The following RARB variants were observed in gnomAD, a reference collection of about 807,000 sequenced individuals.
RARB encodes the protein retinoic acid receptor beta.
Under a neutral mutation model 51.9 loss-of-function variants are expected in RARB, and 17 were observed. That is an observed-to-expected ratio of 0.33 (90% CI 0.22 to 0.49). The LOEUF (loss-of-function observed/expected upper bound fraction) is 0.49. Ranked by LOEUF, RARB falls within the 20% of genes least tolerant of loss-of-function variation. RARB has a pLI of 0.99. For missense variants in RARB, 369 were observed against 550.8 expected (o/e 0.67, Z 3.30); for synonymous variants, 215 against 195.4 (o/e 1.10, Z -0.84).
intron 5 of RARB, among the ~76,000 whole-genome samples, chr3:25,318,609 A>G (rs1452797322): frequency 6.6e-6 from 1 of 152,180 alleles, no homozygotes; most frequent in Non-Finnish European, 1.5e-5. Context: ...TGTGTAGGTA[A>G]TCCATTATCT....
intron 5 of RARB, among the ~76,000 whole-genome samples, chr3:25,205,519 C>G (rs1701517455): frequency 6.6e-6 from 1 of 152,092 alleles, no homozygotes; most frequent in South Asian, 2.1e-4. Context: ...GCGTTGCTCA[C>G]TCTGGGAGCC....
At chr3:25,301,847 C>G (rs1704049095) in intron 5 of RARB, among the ~76,000 whole-genome samples, 1 of 152,142 alleles carries the variant, frequency 6.6e-6, no homozygotes, top group African/African-American at 2.4e-5. Flanking sequence ...CCATTGGTGT[C>G]AGCACTGGGG....
intron 4 of RARB, among the ~76,000 whole-genome samples, chr3:25,145,090 G>C (rs891387478): frequency 2.6e-5 from 4 of 152,190 alleles, no homozygotes; most frequent in African/African-American, 9.7e-5. Flanking sequence ...CCCTTCTGTA[G>C]ACTGAGTTGT....
At chr3:24,920,697 G>A (rs1358054316) in intron 2 of RARB, among the ~76,000 whole-genome samples, 1 of 152,030 alleles carries the variant, frequency 6.6e-6, no homozygotes, top group Non-Finnish European at 1.5e-5. Context: ...TCCATTTCTG[G>A]TTATGCCACG....
intron 5 of RARB, among the ~76,000 whole-genome samples, chr3:25,295,908 G>A (rs537257135): frequency 7.2e-5 from 11 of 152,292 alleles, no homozygotes; most frequent in Admixed American, 3.3e-4. Context: ...GTATCAGGAC[G>A]GGAACAAGGA....
intron 4 of RARB, among the ~76,000 whole-genome samples, chr3:25,169,648 A>G (rs949480393): frequency 1.3e-5 from 2 of 152,168 alleles, no homozygotes; most frequent in South Asian, 2.1e-4. Flanking sequence ...TGTGTGGGCA[A>G]TAGTTTAAGA....
intron 5 of RARB, among the ~76,000 whole-genome samples, chr3:25,212,797 T>A (rs12107090): frequency 0.043 from 6,605 of 152,226 alleles, 163 homozygotes; most frequent in African/African-American, 0.064. Context: ...AAACCTATGA[T>A]TGTTAGCTTG....
rs114395216 is a variant in RARB, at chr3:25,310,825, G to A, written c.178+136250G>A. ...TACAGCACTTCCTCAGGCAGTGCCC[G>A]TGTCAGTGTTTTTACTCTGAAGCAC... On this transcript the variant is annotated intron_variant, in intron 5 of 11. Coordinates refer to the RARB transcript ENST00000383772. 4.3e-3 allele frequency among the ~76,000 whole-genome samples: 649 copies of A among 152,242 alleles called. 4 individuals are homozygous for A. Among genetic ancestry groups the A allele is most frequent in the African/African-American group, 0.015 (607 of 41,528 alleles).
chr3:25,211,208 T>C lies in RARB; in HGVS notation c.178+36633T>C, dbSNP rs376318473. On this transcript the variant is annotated intron_variant, in intron 5 of 11. Transcript: ENST00000383772. The stretch of plus-strand genomic sequence containing the variant: ...TAGACATGTTCAAGGCACTTGACTA[T>C]ATTATTTTATTTGAGAGTGACAAAA... Among the ~76,000 whole-genome samples the C allele has an allele frequency of 2.9e-3, 448 of 152,316 alleles. 2 individuals are homozygous for C. Among genetic ancestry groups the C allele is most frequent in the African/African-American group, 0.01 (425 of 41,564 alleles).
At chr3:25,458,309 T>C (rs577397289) in intron 1 of RARB, 2 of 152,308 alleles carry the variant, frequency 1.3e-5, no homozygotes, top group Non-Finnish European at 2.9e-5. Flanking sequence ...TCCACCTTAG[T>C]AGACAAACCC....
At chr3:24,840,742 T>TAAAAAAAAAAAA (rs55771334) in intron 1 of RARB, among the ~76,000 whole-genome samples, 4 of 70,362 alleles carry the variant, frequency 5.7e-5, no homozygotes, top group South Asian at 4.6e-4. Flanking sequence ...TGAGTAAGAG[T>TAAAAAAAAAAAA]AAAAAAAAAA....
At chr3:25,243,320 C>T (rs1429098959) in intron 5 of RARB, among the ~76,000 whole-genome samples, 2 of 152,170 alleles carry the variant, frequency 1.3e-5, no homozygotes, top group Admixed American at 1.3e-4. Context: ...TGCCTGATTG[C>T]CCTGACCAGA....
At chr3:25,255,761 CCT>C (rs1224107729) in intron 5 of RARB, among the ~76,000 whole-genome samples, 2 of 151,946 alleles carry the variant, frequency 1.3e-5, no homozygotes, top group Admixed American at 6.6e-5. Flanking sequence ...ACAACTGGAA[CCT>C]CTTCTCCCTT....
intron 2 of RARB, among the ~76,000 whole-genome samples, chr3:24,952,275 A>T (rs1163132386): frequency 2.0e-5 from 3 of 152,130 alleles, no homozygotes; most frequent in Non-Finnish European, 4.4e-5. Flanking sequence ...AATTTACACA[A>T]TTAATGATTA....
Position 25,596,554 on chromosome 3 carries a change from C to T in RARB, c.1285C>T (p.Pro429Ser). Reference protein sequence around the residue: ...SSSGNTAEHSPSISPSSVENS... With the variant: ...SSSGNTAEHSSSISPSSVENS... ...AAGTGGGAACACAGCAGAGCACAGT[C>T]CTAGCATCTCACCCAGCTCAGTGGA... is the stretch of plus-strand genomic sequence containing the variant. Residue 429 changes from proline (P) to serine (S), a missense_variant, in exon 8 of 8, where the codon CCT becomes TCT. Physicochemically the swap from Pro to Ser is moderately conservative, Grantham distance 74. Transcript: ENST00000330688. 2 of 1,613,954 alleles carry T rather than the reference C, an allele frequency of 1.2e-6. No homozygotes were observed. The highest frequency in any genetic ancestry group is 1.7e-6 in the Non-Finnish European group (2 of 1,179,834).
chr3:24,936,253 C>T (rs1383069330), intron 2 of RARB, among the ~76,000 whole-genome samples: 1 of 152,012 alleles, frequency 6.6e-6, no homozygotes, highest in Non-Finnish European at 1.5e-5. Flanking sequence ...CAGAGATATT[C>T]CTGAGATTCT....
intron 4 of RARB, among the ~76,000 whole-genome samples, chr3:25,168,564 A>G (rs539112361): frequency 3.9e-5 from 6 of 152,360 alleles, no homozygotes; most frequent in Admixed American, 1.3e-4. Flanking sequence ...ATCAGAAAAT[A>G]CGTGGCAGTC....
At chr3:24,864,117 T>C (rs1322837226) in intron 2 of RARB, among the ~76,000 whole-genome samples, 3 of 152,240 alleles carry the variant, frequency 2.0e-5, no homozygotes, top group Non-Finnish European at 4.4e-5. Context: ...GCACTTGCAC[T>C]GAGCTTACTT....
intron 5 of RARB, among the ~76,000 whole-genome samples, chr3:25,321,999 A>G (rs1053220552): frequency 6.6e-6 from 1 of 152,146 alleles, no homozygotes; most frequent in Non-Finnish European, 1.5e-5. Flanking sequence ...TGAAGGAAAA[A>G]TGTTTGTAGA....
Sources: allele counts gnomAD v4.1 joint callset (sites outside exome capture counted in the v4.1 genomes callset), GRCh38; gene constraint gnomAD v4.1.1; transcripts MANE v1.5; gene names NCBI Gene and HGNC (gene_info 2026-07-23, HGNC 2026-07-21).